The following HIVEP2 variants were observed in gnomAD, a reference collection of about 807,000 sequenced individuals.
The protein encoded by HIVEP2 is HIVEP zinc finger 2, also known as transcription factor HIVEP2.
Under a neutral mutation model 180.7 loss-of-function variants are expected in HIVEP2, and 14 were observed. The ratio of observed to expected loss-of-function variants is 0.08; its 90% CI spans 0.05 to 0.12. The LOEUF (loss-of-function observed/expected upper bound fraction) is 0.12. HIVEP2 is among the 10% of genes least tolerant of loss of function. HIVEP2 has a pLI of 1.00. For missense variants in HIVEP2, 2,579 were observed against 3,008.5 expected (o/e 0.86, Z 3.34); for synonymous variants, 1,184 against 1,136.4 (o/e 1.04, Z -0.84).
At chr6:142,825,707 CAG>C (rs1466755244) in intron 2 of HIVEP2, among the ~76,000 whole-genome samples, 1 of 152,082 alleles carries the variant, frequency 6.6e-6, no homozygotes, top group Admixed American at 6.6e-5. Context: ...TAAGGCATCT[CAG>C]AGAGTGTGAC....
intron 1 of HIVEP2, among the ~76,000 whole-genome samples, chr6:142,868,978 T>A (rs1776215260): frequency 6.6e-6 from 1 of 152,204 alleles, no homozygotes. Flanking sequence ...GTAGAAGATT[T>A]AAATATAATG....
chr6:142,818,294 A>T (rs1228303355), intron 2 of HIVEP2, among the ~76,000 whole-genome samples: 1 of 152,238 alleles, frequency 6.6e-6, no homozygotes, highest in Non-Finnish European at 1.5e-5. Context: ...TATTGCACTT[A>T]AAGTTTCCTA....
chr6:142,785,212 A>G (rs1357258005), intron 2 of HIVEP2, among the ~76,000 whole-genome samples: 1 of 151,270 alleles, frequency 6.6e-6, no homozygotes, highest in Admixed American at 6.6e-5. Flanking sequence ...TTTTTAACAC[A>G]CTAAATATCA....
intron 1 of HIVEP2, among the ~76,000 whole-genome samples, chr6:142,878,411 A>C (rs1417629006): frequency 6.6e-6 from 1 of 152,348 alleles, no homozygotes; most frequent in Non-Finnish European, 1.5e-5. Flanking sequence ...ACAACTGAGA[A>C]TACATTTTGA....
chr6:142,903,727 T>C (rs143380287), intron 1 of HIVEP2, among the ~76,000 whole-genome samples: 2 of 152,320 alleles, frequency 1.3e-5, no homozygotes, highest in East Asian at 1.9e-4. Context: ...ATCACCACTA[T>C]GGTGGTGCTC....
At chr6:142,809,441 T>C (rs1776635175) in intron 2 of HIVEP2, among the ~76,000 whole-genome samples, 1 of 152,186 alleles carries the variant, frequency 6.6e-6, no homozygotes, top group South Asian at 2.1e-4. Context: ...CCCGTGTCTC[T>C]CTTCAGAGCA....
intron 2 of HIVEP2, among the ~76,000 whole-genome samples, chr6:142,835,521 A>T (rs1775200756): frequency 6.6e-6 from 1 of 152,206 alleles, no homozygotes; most frequent in Admixed American, 6.5e-5. Flanking sequence ...TCATCTTCTA[A>T]CATTTATTAT....
In HIVEP2 at chr6:142,771,638, T is replaced by C; in HGVS notation, c.3101A>G (p.Gln1034Arg). 1 of 1,614,220 alleles carries C rather than the reference T, an allele frequency of 6.2e-7. No individual in the cohort carries two copies. Residue 1034 changes from glutamine (Q) to arginine (R), a missense_variant, in exon 5 of 10, where the codon CAG becomes CGG. By Grantham distance (43) the Gln-to-Arg change is conservative. This residue lies in a region of HIVEP2 where 523 missense variants were observed against 577.0 expected (regional missense o/e 0.91). Coordinates refer to ENST00000367603, the MANE Select transcript of HIVEP2 (RefSeq NM_006734.4). The surrounding 1 kb of genome is among the most constrained non-coding windows in gnomAD (Gnocchi z 5.4). ...QKEMRRCSSE[Q>R]MPCPHPAEVP... ...TTCCGCTGGGTGAGGACAAGGCATC[T>C]GCTCTGATGAGCAGCGTCGCATCTC...
intron 1 of HIVEP2, among the ~76,000 whole-genome samples, chr6:142,867,945 T>TC (rs947369465): frequency 1.1e-4 from 16 of 152,280 alleles, no homozygotes; most frequent in African/African-American, 3.6e-4. Context: ...TTTCCAACAG[T>TC]CTCACGGTCA....
At chr6:142,887,833 T>C (rs567874099) in intron 1 of HIVEP2, among the ~76,000 whole-genome samples, 3 of 151,850 alleles carry the variant, frequency 2.0e-5, no homozygotes, top group African/African-American at 7.3e-5. Flanking sequence ...TTTCAGAGAG[T>C]ATGTGCGTTT....
chr6:142,841,772 C>T (rs897848450), intron 1 of HIVEP2, among the ~76,000 whole-genome samples: 8 of 152,042 alleles, frequency 5.3e-5, no homozygotes, highest in East Asian at 1.9e-4. Flanking sequence ...TCTACATATA[C>T]GACATTTTAA....
Position 142,769,777 on chromosome 6 carries a change from A to G in HIVEP2, c.4962T>C (p.Tyr1654=), listed in dbSNP as rs757437868. 3 of 1,614,252 alleles carry G rather than the reference A, an allele frequency of 1.9e-6. No individual in the cohort carries two copies. Among genetic ancestry groups the G allele is most frequent in the South Asian group, 1.1e-5 (1 of 91,092 alleles). ...TTTVSWCFLN[Y]TKPNYVQQAT... ...CCTGTTGCACATAATTGGGTTTTGTATAATTCAAGAAGCACCAACTCACAG... is the reference window on the plus strand; with the variant it reads ...CCTGTTGCACATAATTGGGTTTTGTGTAATTCAAGAAGCACCAACTCACAG... Residue 1654 remains tyrosine, a synonymous_variant, in exon 5 of 10, where the codon TAT becomes TAC. Coordinates refer to ENST00000367603, the MANE Select transcript of HIVEP2 (RefSeq NM_006734.4).
intron 2 of HIVEP2, among the ~76,000 whole-genome samples, chr6:142,823,670 G>A (rs190054270): frequency 2.0e-5 from 3 of 152,264 alleles, no homozygotes; most frequent in Non-Finnish European, 2.9e-5. Context: ...GCAGCATTTG[G>A]AACAATTGCA....
At chr6:142,845,459 A>T (rs1775485694) in intron 1 of HIVEP2, among the ~76,000 whole-genome samples, 1 of 152,060 alleles carries the variant, frequency 6.6e-6, no homozygotes, top group Non-Finnish European at 1.5e-5. Flanking sequence ...ATGTCTTTTG[A>T]CTAATTATTA....
At chr6:142,942,560 G>C (rs1778206687) in intron 1 of HIVEP2, among the ~76,000 whole-genome samples, 1 of 152,146 alleles carries the variant, frequency 6.6e-6, no homozygotes, top group Non-Finnish European at 1.5e-5. Flanking sequence ...TGTAATCAAA[G>C]AGAATTATTT....
At chr6:142,873,691 C>T (rs1172850807) in intron 1 of HIVEP2, among the ~76,000 whole-genome samples, 1 of 152,032 alleles carries the variant, frequency 6.6e-6, no homozygotes, top group Non-Finnish European at 1.5e-5. Flanking sequence ...TCATATATTG[C>T]ATGAAAAAAC....
intron 1 of HIVEP2, among the ~76,000 whole-genome samples, chr6:142,886,370 C>T (rs1776698828): frequency 6.6e-6 from 1 of 152,174 alleles, no homozygotes; most frequent in Non-Finnish European, 1.5e-5. Flanking sequence ...GTTTTCAAAT[C>T]ATCTGTTCTC....
rs772821865 is a variant in HIVEP2 at position 142,774,118 on chromosome 6, G to A, written c.621C>T (p.His207=). 84 of 1,614,178 alleles carry A rather than the reference G, an allele frequency of 5.2e-5. No homozygotes were observed. Among genetic ancestry groups the A allele is most frequent in the Non-Finnish European group, 6.9e-5 (81 of 1,180,038 alleles). ...ACAKPSVLKK[H]IRSHTGERPY... ...GCCGCTCCCCAGTATGGGACCTGAT[G>A]TGTTTTTTCAGTACACTAGGTTTGG... is the stretch of plus-strand genomic sequence containing the variant. The change falls in exon 5 of 10, where the codon CAC becomes CAT. Residue 207 remains histidine (H), a synonymous_variant. Coordinates refer to ENST00000367603, the MANE Select transcript of HIVEP2 (RefSeq NM_006734.4). This position sits in a 1 kb window ranked among gnomAD's most constrained non-coding sequence, Gnocchi z 5.1.
intron 3 of HIVEP2, chr6:142,779,729 A>C (rs1775797108): frequency 6.6e-6 from 1 of 152,250 alleles, no homozygotes; most frequent in Non-Finnish European, 1.5e-5. Context: ...ATTCAATAAA[A>C]TATAATGTTT....
Sources: allele counts gnomAD v4.1 joint callset (sites outside exome capture counted in the v4.1 genomes callset), GRCh38; gene constraint gnomAD v4.1.1; regional missense constraint gnomAD v4.1.1; non-coding constraint Gnocchi (gnomAD v3.1); transcripts MANE v1.5; gene names NCBI Gene and HGNC (gene_info 2026-07-23, HGNC 2026-07-21).